The following ARHGAP19 variants were observed in gnomAD, a reference collection of about 807,000 sequenced individuals.
The protein encoded by ARHGAP19 is rho GTPase-activating protein 19.
A neutral mutation model predicts 60.9 loss-of-function variants in ARHGAP19; 48 were observed. The observed-to-expected ratio is 0.79, with a 90% CI of 0.62 to 1.00. The LOEUF is 1.00. Among genes scored for constraint, ARHGAP19 ranks in the 50% least tolerant of loss-of-function variants. ARHGAP19 has a pLI of 0.00. For missense variants in ARHGAP19, 562 were observed against 597.2 expected (o/e 0.94, Z 0.61); for synonymous variants, 209 against 215.5 (o/e 0.97, Z 0.27).
intron 1 of ARHGAP19, among the ~76,000 whole-genome samples, chr10:97,288,400 T>C (rs1843182696): frequency 6.6e-6 from 1 of 151,742 alleles, no homozygotes; most frequent in Non-Finnish European, 1.5e-5. Flanking sequence ...GCCAAGATGG[T>C]GAAACCCCGT....
At chr10:97,229,931 G>T in intron 9 of ARHGAP19, 57 bp from the exon 10 acceptor site, 1 of 1,242,810 alleles carries the variant, frequency 8.0e-7, no homozygotes, top group Non-Finnish European at 1.2e-6. Flanking sequence ...CTACAGTGGA[G>T]CTATACTAGC....
intron 7 of ARHGAP19, 69 bp downstream of exon 7, chr10:97,246,203 C>T: frequency 1.6e-6 from 2 of 1,281,492 alleles, no homozygotes; most frequent in Non-Finnish European, 1.1e-6. Flanking sequence ...TGACTTCATA[C>T]TTTGTTTTAA....
chr10:97,232,480 G>T (rs921573660), intron 9 of ARHGAP19, among the ~76,000 whole-genome samples: 1 of 152,034 alleles, frequency 6.6e-6, no homozygotes, highest in African/African-American at 2.4e-5. Context: ...ACTCTTTAAT[G>T]AGGTTGTTTT....
chr10:97,263,840 A>C (rs768491818), intron 3 of ARHGAP19, among the ~76,000 whole-genome samples: 7 of 152,212 alleles, frequency 4.6e-5, no homozygotes, highest in African/African-American at 1.4e-4. Flanking sequence ...GAGATCTTCC[A>C]AACTAAAAGG....
chr10:97,264,390 C>A (rs1015077472), intron 3 of ARHGAP19, among the ~76,000 whole-genome samples: 1 of 151,412 alleles, frequency 6.6e-6, no homozygotes, highest in Non-Finnish European at 1.5e-5. Context: ...GAGGTCAAGG[C>A]TGCAGTGAGC....
chr10:97,291,882 T>C (rs1843237302), intron 1 of ARHGAP19, among the ~76,000 whole-genome samples: 1 of 152,126 alleles, frequency 6.6e-6, no homozygotes, highest in Non-Finnish European at 1.5e-5. Flanking sequence ...TAAATCTCGG[T>C]GTGGCTGTTT....
intron 1 of ARHGAP19, among the ~76,000 whole-genome samples, chr10:97,273,003 G>A (rs1219032051): frequency 6.6e-6 from 1 of 152,028 alleles, no homozygotes; most frequent in South Asian, 2.1e-4. Flanking sequence ...ACCACGCCTG[G>A]CTAATTTTTT....
intron 11 of ARHGAP19, 86 bp downstream of exon 11, chr10:97,229,061 T>A (rs767348294): frequency 3.9e-6 from 5 of 1,295,998 alleles, no homozygotes; most frequent in South Asian, 3.6e-5. Context: ...ACAAATGTAC[T>A]ATCCTGGGAA....
At chr10:97,279,929 A>G (rs1446013972) in intron 1 of ARHGAP19, among the ~76,000 whole-genome samples, 2 of 152,220 alleles carry the variant, frequency 1.3e-5, no homozygotes, top group African/African-American at 4.8e-5. Context: ...TGGAATGACA[A>G]TGTAATATTC....
intron 6 of ARHGAP19, among the ~76,000 whole-genome samples, chr10:97,251,164 G>C (rs201670451): frequency 9.6e-6 from 1 of 104,456 alleles, no homozygotes; most frequent in Non-Finnish European, 2.1e-5. Context: ...CCAAGGGGAA[G>C]GGAAGGGGAA....
In ARHGAP19 at chr10:97,238,618, T is replaced by C. The variant is rs555989272; in HGVS notation, c.1186-3303A>G. On this transcript the variant is annotated intron_variant, in intron 8 of 11. Coordinates refer to ENST00000358531, the MANE Select transcript of ARHGAP19 (RefSeq NM_032900.6). ...TAGCATAAAGATATTCAGAAAATAT[T>C]TTGTACAGATGCATAGTGTTTTTGT... 2.0e-5 allele frequency among the ~76,000 whole-genome samples: 3 copies of C among 152,316 alleles called. No homozygotes were observed. In the South Asian group the frequency reaches 6.2e-4, roughly 32 times the overall value.
chr10:97,229,973 A>C, intron 9 of ARHGAP19, 99 bp from the exon 10 acceptor site: 3 of 862,784 alleles, frequency 3.5e-6, no homozygotes, highest in Non-Finnish European at 5.4e-6. Context: ...GGGTTAAAAA[A>C]ATCTCAGCAT....
At chr10:97,266,852 G>A (rs11189078) in intron 1 of ARHGAP19, among the ~76,000 whole-genome samples, 6,786 of 152,130 alleles carry the variant, frequency 0.045, 216 homozygotes, top group Non-Finnish European at 0.061. Context: ...ACCTTCCACC[G>A]AGTTCCTCTC....
intron 1 of ARHGAP19, among the ~76,000 whole-genome samples, chr10:97,269,529 C>A (rs1245973665): frequency 6.6e-6 from 1 of 152,156 alleles, no homozygotes; most frequent in Non-Finnish European, 1.5e-5. Context: ...TTAGAAGCAA[C>A]TTCATCTTAA....
At chr10:97,264,385 C>T (rs1167975293) in intron 3 of ARHGAP19, among the ~76,000 whole-genome samples, 1 of 150,992 alleles carries the variant, frequency 6.6e-6, no homozygotes, top group Non-Finnish European at 1.5e-5. Flanking sequence ...CCCGGGAGGT[C>T]AAGGCTGCAG....
chr10:97,251,381 GGGAAGGGGAAGGGAAGGGGAAGGGAA>G, intron 6 of ARHGAP19, among the ~76,000 whole-genome samples: 1 of 10,558 alleles, frequency 9.5e-5, no homozygotes, highest in Non-Finnish European at 2.3e-4. Flanking sequence ...GGGAATGGAA[GGGAAGGGGAAGGGAAGGGGAAGGGAA>G]GGGAAAGGAA....
intron 1 of ARHGAP19, 59 bp from the exon 2 acceptor site, chr10:97,266,184 A>G: frequency 6.3e-7 from 1 of 1,585,646 alleles, no homozygotes; most frequent in Non-Finnish European, 8.6e-7. Flanking sequence ...CTTATGCACT[A>G]CTCATTGGGT....
intron 4 of ARHGAP19, among the ~76,000 whole-genome samples, chr10:97,262,227 C>G (rs1842839968): frequency 6.7e-6 from 1 of 149,384 alleles, no homozygotes; most frequent in Non-Finnish European, 1.5e-5. Flanking sequence ...GTAACACTAA[C>G]CAGTGTTACT....
chr10:97,241,595 C>A (rs1042328363), intron 8 of ARHGAP19, among the ~76,000 whole-genome samples: 1 of 151,442 alleles, frequency 6.6e-6, no homozygotes, highest in Admixed American at 6.6e-5. Context: ...TGCATGTAGT[C>A]CTAGCTATTC....
Sources: allele counts gnomAD v4.1 joint callset (sites outside exome capture counted in the v4.1 genomes callset), GRCh38; gene constraint gnomAD v4.1.1; transcripts MANE v1.5; gene names NCBI Gene and HGNC (gene_info 2026-07-23, HGNC 2026-07-21).